The following FMNL2 variants were observed in gnomAD, a reference collection of about 807,000 sequenced individuals.
FMNL2 encodes the protein formin like 2, also known as formin-like protein 2.
In FMNL2, 51 loss-of-function variants were observed where a neutral mutation model predicts 130.2. The observed-to-expected ratio is 0.39, with a 90% CI of 0.31 to 0.49. The LOEUF is 0.49. FMNL2 is among the 20% of genes least tolerant of loss of function. FMNL2 has a pLI of 0.85. For synonymous variants in FMNL2, 465 were observed against 467.1 expected, an observed-to-expected ratio of 1.00 and a Z score of 0.06; for missense variants, 977 against 1,316.2, an observed-to-expected ratio of 0.74 and a Z score of 3.99.
chr2:152,607,273 T>C, intron 9 of FMNL2, 66 bp from the exon 10 acceptor site: 1 of 1,299,848 alleles, frequency 7.7e-7, no homozygotes, highest in Non-Finnish European at 1.1e-6. Context: ...AGCTGAAATT[T>C]CTGCATCTAA....
intron 1 of FMNL2, among the ~76,000 whole-genome samples, chr2:152,412,501 T>TATAA (rs1686376831): frequency 3.0e-5 from 3 of 99,028 alleles, no homozygotes; most frequent in Admixed American, 1.1e-4. Context: ...TATATATATA[T>TATAA]AAATTAGAAA....
chr2:152,568,223 T>TTTTGTTTTGTTTTGTTTTTG (rs1553478446), intron 6 of FMNL2, among the ~76,000 whole-genome samples: 10 of 132,276 alleles, frequency 7.6e-5, no homozygotes, highest in African/African-American at 2.9e-4. Context: ...GGTGGGTTTT[T>TTTTGTTTTGTTTTGTTTTTG]TTTTTTTTTT....
chr2:152,405,730 G>A (rs1685945296), intron 1 of FMNL2, among the ~76,000 whole-genome samples: 2 of 152,182 alleles, frequency 1.3e-5, no homozygotes, highest in African/African-American at 2.4e-5. Flanking sequence ...AAACTGGTCA[G>A]TGATAATCAG....
intron 3 of FMNL2, among the ~76,000 whole-genome samples, chr2:152,546,571 A>G (rs1694651114): frequency 6.6e-6 from 1 of 152,156 alleles, no homozygotes; most frequent in African/African-American, 2.4e-5. Flanking sequence ...TGGAAGGGAC[A>G]AATATCCAAA....
intron 1 of FMNL2, among the ~76,000 whole-genome samples, chr2:152,489,922 C>G (rs1454987844): frequency 6.6e-6 from 1 of 152,152 alleles, no homozygotes; most frequent in African/African-American, 2.4e-5. Flanking sequence ...ATTAACTGAT[C>G]TGAAACTGTT....
At chr2:152,577,281 T>TA (rs1696530181) in intron 7 of FMNL2, among the ~76,000 whole-genome samples, 1 of 152,122 alleles carries the variant, frequency 6.6e-6, no homozygotes, top group Non-Finnish European at 1.5e-5. Context: ...ACCTGTGAGA[T>TA]ATATTTGCTA....
rs1056361349 is a variant in FMNL2, at chr2:152,473,350, T to C, written c.118-48593T>C. On this transcript the variant is annotated intron_variant, in intron 1 of 25. Transcript: ENST00000288670. ...TCCCAAGTTGCTGGGATTACACGCATGAGTTACTGTACCTGGCTTTTATAT... is the reference window on the plus strand; with the variant it reads ...TCCCAAGTTGCTGGGATTACACGCACGAGTTACTGTACCTGGCTTTTATAT... Among the ~76,000 whole-genome samples, 5 of 152,122 alleles carry C rather than the reference T, an allele frequency of 3.3e-5. No homozygotes were observed. The South Asian group carries it at 6.2e-4, about 19-fold the overall frequency.
intron 1 of FMNL2, among the ~76,000 whole-genome samples, chr2:152,506,482 A>AGG (rs1336068790): frequency 6.6e-6 from 1 of 152,260 alleles, no homozygotes; most frequent in East Asian, 1.9e-4. Flanking sequence ...TATATTGTTT[A>AGG]GCGAATAGTG....
intron 10 of FMNL2, 66 bp from the exon 11 acceptor site, chr2:152,611,429 C>A: frequency 1.3e-6 from 1 of 775,582 alleles, no homozygotes; most frequent in Non-Finnish European, 2.1e-6. Flanking sequence ...ATTGAAAGCA[C>A]ATGTCTGCAG....
intron 1 of FMNL2, among the ~76,000 whole-genome samples, chr2:152,375,189 T>C (rs1381446038): frequency 6.6e-6 from 1 of 152,252 alleles, no homozygotes; most frequent in Non-Finnish European, 1.5e-5. Flanking sequence ...AGGAAGATCA[T>C]TGAAACTGTA....
intron 1 of FMNL2, among the ~76,000 whole-genome samples, chr2:152,462,446 G>A (rs780163519): frequency 6.6e-6 from 1 of 152,130 alleles, no homozygotes; most frequent in Non-Finnish European, 1.5e-5. Flanking sequence ...ACACATTCTG[G>A]TTTAATTGAT....
At chr2:152,525,959 T>G (rs1693364909) in intron 2 of FMNL2, among the ~76,000 whole-genome samples, 2 of 152,220 alleles carry the variant, frequency 1.3e-5, no homozygotes, top group Admixed American at 1.3e-4. Flanking sequence ...TCAAATACTA[T>G]TTCTTTAAAA....
intron 12 of FMNL2, among the ~76,000 whole-genome samples, chr2:152,615,498 C>T (rs992287820): frequency 2.0e-5 from 3 of 152,120 alleles, no homozygotes; most frequent in Non-Finnish European, 2.9e-5. Context: ...TCAAGGACAT[C>T]GGTGTGCTTT....
At chr2:152,397,191 G>A (rs1685442545) in intron 1 of FMNL2, among the ~76,000 whole-genome samples, 2 of 152,158 alleles carry the variant, frequency 1.3e-5, no homozygotes, top group Non-Finnish European at 2.9e-5. Context: ...GAGGAAAATT[G>A]AGAAGAAATC....
At chr2:152,348,328 A>G (rs906956628) in intron 1 of FMNL2, among the ~76,000 whole-genome samples, 4 of 152,176 alleles carry the variant, frequency 2.6e-5, no homozygotes, top group African/African-American at 7.2e-5. Context: ...CTGCCAGTTC[A>G]CACTGTGGGC....
At chr2:152,461,351 A>G (rs1689234432) in intron 1 of FMNL2, among the ~76,000 whole-genome samples, 1 of 122,418 alleles carries the variant, frequency 8.2e-6, no homozygotes, top group Non-Finnish European at 1.6e-5. Context: ...CTAGTGAGAT[A>G]TTTTACTTTT....
chr2:152,480,163 CT>C (rs750232060), intron 1 of FMNL2, among the ~76,000 whole-genome samples: 6 of 152,168 alleles, frequency 3.9e-5, no homozygotes, highest in Non-Finnish European at 7.3e-5. Context: ...GATTCTTAGC[CT>C]TAGCAGGCAG....
chr2:152,357,237 TATTAAATCA>T, intron 1 of FMNL2, among the ~76,000 whole-genome samples: 1 of 15,818 alleles, frequency 6.3e-5, no homozygotes, highest in Non-Finnish European at 2.0e-4. Context: ...TCACGATAAA[TATTAAATCA>T]GTTTAATGTA....
At chr2:152,439,957 A>T (rs1687970438) in intron 1 of FMNL2, among the ~76,000 whole-genome samples, 1 of 151,706 alleles carries the variant, frequency 6.6e-6, no homozygotes, top group South Asian at 2.1e-4. Context: ...TCAGGACCTT[A>T]ACCACCAGTA....
Sources: allele counts gnomAD v4.1 joint callset (sites outside exome capture counted in the v4.1 genomes callset), GRCh38; gene constraint gnomAD v4.1.1; transcripts MANE v1.5; gene names NCBI Gene and HGNC (gene_info 2026-07-23, HGNC 2026-07-21).